The following DLG2 variants were observed in gnomAD, a reference collection of about 807,000 sequenced individuals.
DLG2 encodes the protein disks large homolog 2.
In DLG2, 45 loss-of-function variants were observed where a neutral mutation model predicts 132.5. The observed-to-expected ratio is 0.34, with a 90% CI of 0.27 to 0.44. The LOEUF is 0.44. DLG2 is among the 20% of genes least tolerant of loss of function. The pLI is 1.00. For synonymous variants in DLG2, 424 were observed against 419.6 expected (o/e 1.01, Z -0.13); for missense variants, 1,045 against 1,196.9 (o/e 0.87, Z 1.87).
chr11:84,044,490 T>C (rs2154112123), intron 11 of DLG2, among the ~76,000 whole-genome samples: 1 of 151,840 alleles, frequency 6.6e-6, no homozygotes, highest in South Asian at 2.1e-4. Context: ...GGCTATTTTG[T>C]GTTCTCATCA....
intron 3 of DLG2, among the ~76,000 whole-genome samples, chr11:85,380,688 T>C (rs2085812538): frequency 6.6e-6 from 1 of 151,852 alleles, no homozygotes; most frequent in Non-Finnish European, 1.5e-5. Context: ...AAAGTGAACA[T>C]GGAGGAGTGA....
intron 6 of DLG2, among the ~76,000 whole-genome samples, chr11:85,003,046 G>C (rs1004554879): frequency 5.0e-4 from 76 of 151,850 alleles, no homozygotes; most frequent in African/African-American, 1.7e-3. Flanking sequence ...ATACTAACAG[G>C]CTGCTTAAGT....
At chr11:85,454,032 G>C (rs1243943622) in intron 3 of DLG2, among the ~76,000 whole-genome samples, 1 of 151,806 alleles carries the variant, frequency 6.6e-6, no homozygotes, top group Admixed American at 6.6e-5. Context: ...TGTGGTATTT[G>C]GTTTTCTGTT....
chr11:83,720,314 A>AAAAAAAAAAAAAAAAAAAAAAAAAAG, intron 18 of DLG2, among the ~76,000 whole-genome samples: 1 of 144,722 alleles, frequency 6.9e-6, no homozygotes, highest in Non-Finnish European at 1.5e-5. Flanking sequence ...AAAAAAAAAA[A>AAAAAAAAAAAAAAAAAAAAAAAAAAG]AAAAAAAAAA....
At chr11:83,543,952 C>T (rs2096163333) in intron 19 of DLG2, among the ~76,000 whole-genome samples, 1 of 152,138 alleles carries the variant, frequency 6.6e-6, no homozygotes, top group Non-Finnish European at 1.5e-5. Flanking sequence ...TTTGTACAAA[C>T]AATATCATTT....
intron 18 of DLG2, among the ~76,000 whole-genome samples, chr11:83,713,821 C>T (rs1024291431): frequency 1.3e-5 from 2 of 152,186 alleles, no homozygotes; most frequent in African/African-American, 2.4e-5. Context: ...TTTCAGGAGA[C>T]CTGACTTCAC....
intron 18 of DLG2, among the ~76,000 whole-genome samples, chr11:83,675,375 TTTGTC>T (rs1425969793): frequency 1.3e-5 from 2 of 152,222 alleles, no homozygotes; most frequent in African/African-American, 4.8e-5. Context: ...TATATTCTTA[TTTGTC>T]TTATCATATT....
chr11:83,479,200 TCTTC>T (rs1250614375), intron 22 of DLG2, among the ~76,000 whole-genome samples: 3 of 152,074 alleles, frequency 2.0e-5, no homozygotes, highest in Non-Finnish European at 4.4e-5. Context: ...TTGGTCTACA[TCTTC>T]CTTCTCTGAG....
chr11:85,498,585 A>G (rs1341093338), intron 3 of DLG2, among the ~76,000 whole-genome samples: 2 of 152,160 alleles, frequency 1.3e-5, no homozygotes, highest in East Asian at 3.8e-4. Flanking sequence ...CAGACCTAAT[A>G]GACTTCTACA....
At chr11:85,415,416 A>G (rs1409224700) in intron 3 of DLG2, among the ~76,000 whole-genome samples, 2 of 152,064 alleles carry the variant, frequency 1.3e-5, no homozygotes, top group African/African-American at 4.8e-5. Flanking sequence ...TTAGTTCTAG[A>G]TCCTTGAGGA....
At chr11:84,783,740 G>C (rs2072265857) in intron 6 of DLG2, among the ~76,000 whole-genome samples, 1 of 152,124 alleles carries the variant, frequency 6.6e-6, no homozygotes. Flanking sequence ...AACTGATCTA[G>C]AGTCAGAATT....
chr11:84,060,625 C>T (rs913576952), intron 10 of DLG2, among the ~76,000 whole-genome samples: 4 of 151,118 alleles, frequency 2.6e-5, no homozygotes, highest in Admixed American at 1.3e-4. Context: ...ATGTGGCCAT[C>T]GACTCCAAAT....
intron 11 of DLG2, among the ~76,000 whole-genome samples, chr11:84,042,634 C>G (rs756947363): frequency 4.0e-5 from 6 of 151,546 alleles, no homozygotes; most frequent in Non-Finnish European, 7.4e-5. Context: ...TTTTAAGTTC[C>G]AGGGTACATG....
At chr11:84,027,005 TTCAAA>T (rs1233132366) in intron 11 of DLG2, among the ~76,000 whole-genome samples, 2 of 152,076 alleles carry the variant, frequency 1.3e-5, no homozygotes, top group Non-Finnish European at 2.9e-5. Flanking sequence ...TATATTACTC[TTCAAA>T]TCAAGTGTCA....
chr11:85,600,518 G>T (rs1288794666), intron 2 of DLG2, among the ~76,000 whole-genome samples: 5 of 152,186 alleles, frequency 3.3e-5, no homozygotes. Context: ...ATAGCAACCA[G>T]TCTACAAATA....
Position 85,104,927 on chromosome 11 carries a change from G to A in DLG2, c.357+6734C>T, listed in dbSNP as rs74976383. 1.7e-3 allele frequency among the ~76,000 whole-genome samples: 246 copies of A among 147,310 alleles called. 1 individual carries two copies. Among genetic ancestry groups the A allele is most frequent in the African/African-American group, 6.1e-3 (241 of 39,756 alleles). ...AGAGAGAGAAAGGAGAAAGAGGTGGGTGAATATTGAGGTCCACAAATCAGT... is the reference window on the plus strand; with the variant it reads ...AGAGAGAGAAAGGAGAAAGAGGTGGATGAATATTGAGGTCCACAAATCAGT... On this transcript the variant is annotated intron_variant, in intron 6 of 27. Transcript: ENST00000376104.
chr11:84,915,678 T>A (rs2092408012), intron 6 of DLG2, among the ~76,000 whole-genome samples: 1 of 152,090 alleles, frequency 6.6e-6, no homozygotes, highest in East Asian at 1.9e-4. Flanking sequence ...AATTAGAGAT[T>A]AATTAATTAA....
chr11:84,558,578 C>T (rs927404498), intron 6 of DLG2, among the ~76,000 whole-genome samples: 1 of 152,192 alleles, frequency 6.6e-6, no homozygotes, highest in African/African-American at 2.4e-5. Flanking sequence ...TCCTGCCATC[C>T]AAGACCCTCT....
At chr11:84,882,551 G>T (rs568440014) in intron 6 of DLG2, among the ~76,000 whole-genome samples, 2 of 152,092 alleles carry the variant, frequency 1.3e-5, no homozygotes, top group South Asian at 4.2e-4. Context: ...GCACCAGAGC[G>T]CCCCTGAGTC....
Sources: allele counts gnomAD v4.1 joint callset (sites outside exome capture counted in the v4.1 genomes callset), GRCh38; gene constraint gnomAD v4.1.1; transcripts MANE v1.5; gene names NCBI Gene and HGNC (gene_info 2026-07-23, HGNC 2026-07-21).